The following TGM3 variants were observed in gnomAD, a reference collection of about 807,000 sequenced individuals.
The protein encoded by TGM3 is protein-glutamine gamma-glutamyltransferase E.
A neutral mutation model predicts 73.8 loss-of-function variants in TGM3; 52 were observed. That is an observed-to-expected ratio of 0.70 (90% confidence interval 0.56 to 0.89). The LOEUF is 0.89. TGM3 is among the 40% of genes least tolerant of loss of function. The probability of loss-of-function intolerance (pLI) is 0.00; values close to 1 mark genes in which losing one functional copy is unlikely to be tolerated. For missense variants in TGM3, 928 were observed against 909.9 expected, an observed-to-expected ratio of 1.02 and a Z score of -0.26; for synonymous variants, 372 against 354.9, an observed-to-expected ratio of 1.05 and a Z score of -0.54.
In TGM3 at chr20:2,328,317, G is replaced by C; in HGVS notation, c.1285G>C (p.Gly429Arg). The C allele has an allele frequency of 6.2e-7, 1 of 1,614,120 alleles. No homozygotes were observed. Among genetic ancestry groups the C allele is most frequent in the Non-Finnish European group, 8.5e-7 (1 of 1,180,028 alleles). Residue 429 changes from glycine (G) to arginine (R), a missense_variant, in exon 9 of 13, where the codon GGC (glycine) becomes CGC (arginine). Coordinates refer to ENST00000381458, the MANE Select transcript of TGM3 (RefSeq NM_003245.4). This position sits in a 1 kb window ranked among gnomAD's most constrained non-coding sequence, Gnocchi z 5.2. ...CAGGTACATCAGCACCAAGGCGGTGGGCAGCAATGCTCGCATGGACGTCAC... is the reference window on the plus strand; with the variant it reads ...CAGGTACATCAGCACCAAGGCGGTGCGCAGCAATGCTCGCATGGACGTCAC... ...IGRYISTKAV[G>R]SNARMDVTDK...
At chr20:2,337,006 G>A (rs574712152) in intron 11 of TGM3, among the ~76,000 whole-genome samples, 49 of 152,100 alleles carry the variant, frequency 3.2e-4, no homozygotes, top group Non-Finnish European at 6.5e-4. Context: ...TGTCCCAGCT[G>A]GAATATTATC....
chr20:2,312,820 T>C, intron 4 of TGM3, 78 bp from the exon 5 acceptor site: 1 of 1,581,532 alleles, frequency 6.3e-7, no homozygotes, highest in Non-Finnish European at 8.6e-7. Flanking sequence ...CCTGTGGTTC[T>C]TGCCAGTGCA....
In TGM3 at chr20:2,332,112, A is replaced by G. The variant is rs1403100195; in HGVS notation, c.1444A>G (p.Ser482Gly). The part of the protein sequence containing the change: ...MGLETEEQEP[S>G]IIGKLKVAGM... ...TTTGGAAACAGAGGAACAGGAGCCC[A>G]GCATCATCGGGAAGCTGAAGGTCGC... Residue 482 changes from serine (S) to glycine (G), a missense_variant, in exon 10 of 13, where the codon AGC (serine) becomes GGC (glycine). Coordinates refer to ENST00000381458, the MANE Select transcript of TGM3 (RefSeq NM_003245.4). This position sits in a 1 kb window ranked among gnomAD's most constrained non-coding sequence, Gnocchi z 4.4. The G allele has an allele frequency of 6.2e-7, 1 of 1,614,242 alleles. No individual in the cohort carries two copies. Among genetic ancestry groups the G allele is most frequent in the Admixed American group, 1.7e-5 (1 of 60,026 alleles).
intron 3 of TGM3, 52 bp downstream of exon 3, chr20:2,310,469 A>G (rs1316274477): frequency 1.9e-6 from 3 of 1,596,194 alleles, no homozygotes; most frequent in Non-Finnish European, 2.6e-6. Flanking sequence ...TAGAAAAGAA[A>G]AAGGGGATGG....
intron 9 of TGM3, 70 bp from the exon 10 acceptor site, chr20:2,331,932 G>C: frequency 1.3e-6 from 2 of 1,526,248 alleles, no homozygotes; most frequent in Non-Finnish European, 1.8e-6. Context: ...GCCTGTCCAG[G>C]CAGGGTACTG....
At chr20:2,322,394 A>G (rs1175189971) in intron 7 of TGM3, among the ~76,000 whole-genome samples, 1 of 152,114 alleles carries the variant, frequency 6.6e-6, no homozygotes, top group Non-Finnish European at 1.5e-5. Context: ...CCTCGAAACC[A>G]ATCACTTCAC....
rs774285890 is a variant in TGM3, at chr20:2,311,110, T to C, written c.521T>C (p.Ile174Thr). The C allele has an allele frequency of 1.9e-6, 3 of 1,613,936 alleles. No homozygotes were observed. Among genetic ancestry groups the C allele is most frequent in the African/African-American group, 2.7e-5 (2 of 74,888 alleles). ...FVGSTNRIGM[I>T]GWNFGQFEED... is the part of the protein sequence containing the mutation. ...GGAAGCACAAACCGAATTGGCATGA[T>C]TGGCTGGAACTTTGGACAGGTAAAA... Residue 174 changes from isoleucine (I) to threonine (T), a missense_variant, in exon 4 of 13, where the codon ATT becomes ACT. Ile to Thr is a moderately conservative substitution (Grantham distance 89, BLOSUM62 -1). Transcript: ENST00000381458.
chr20:2,306,472 C>CTTTTTTTTTTTTTTTTTTTTTTT (rs33929365), intron 1 of TGM3, among the ~76,000 whole-genome samples: 3 of 129,622 alleles, frequency 2.3e-5, no homozygotes, highest in Non-Finnish European at 3.2e-5. Flanking sequence ...CTTTTCCTTT[C>CTTTTTTTTTTTTTTTTTTTTTTT]TTTTTTTTTT....
rs2084340623 is a variant in TGM3 at position 2,334,941 on chromosome 20, C to T, written c.1643-175C>T. 1.3e-5 allele frequency among the ~76,000 whole-genome samples: 2 copies of T among 152,110 alleles called. No homozygotes were observed. The highest frequency in any genetic ancestry group is 4.8e-5 in the African/African-American group (2 of 41,426). The stretch of plus-strand genomic sequence containing the variant: ...GCCTCTTTGCCCCCTGCTCTGGAGC[C>T]CACCCTGACCGGGGGACGCTTCCCA... On this transcript the variant is annotated intron_variant, in intron 10 of 12. Transcript: ENST00000381458. This position sits in a 1 kb window ranked among gnomAD's most constrained non-coding sequence, Gnocchi z 4.0.
chr20:2,333,862 C>G (rs1002792661), intron 10 of TGM3, among the ~76,000 whole-genome samples: 6 of 152,228 alleles, frequency 3.9e-5, no homozygotes, highest in African/African-American at 1.4e-4. Context: ...GTCTCCCTCC[C>G]TTTCTGAACC....
At position 2,329,624 on chromosome 20, in the gene TGM3, C is replaced by T. The variant is rs543122759; in HGVS notation, c.1333+1259C>T. Among the ~76,000 whole-genome samples, 318 of 152,068 alleles carry T rather than the reference C, an allele frequency of 2.1e-3. 2 individuals are homozygous for T. Among genetic ancestry groups the T allele is most frequent in the Non-Finnish European group, 2.6e-3 (174 of 68,020 alleles). On this transcript the variant is annotated intron_variant, in intron 9 of 12. Coordinates refer to ENST00000381458, the MANE Select transcript of TGM3 (RefSeq NM_003245.4). ...ACAAGTATTTTCAACAATGTTATGA[C>T]GTAGAAACAAGCATAGGGGGTCAGG...
chr20:2,302,553 G>C (rs2084154145), intron 1 of TGM3, among the ~76,000 whole-genome samples: 1 of 152,054 alleles, frequency 6.6e-6, no homozygotes, highest in Non-Finnish European at 1.5e-5. Flanking sequence ...GCTCTGTCCA[G>C]TCTCCTCTCC....
intron 4 of TGM3, 72 bp downstream of exon 4, chr20:2,311,201 T>A: frequency 7.9e-7 from 1 of 1,261,150 alleles, no homozygotes; most frequent in East Asian, 2.3e-5. Context: ...GCCCCACAGA[T>A]CAATGGGAAG....
chr20:2,300,532 C>T (rs1263090599), intron 1 of TGM3, among the ~76,000 whole-genome samples: 3 of 152,308 alleles, frequency 2.0e-5, no homozygotes, highest in South Asian at 4.1e-4. Flanking sequence ...TAAGTCATTG[C>T]TGCCTTGGTT....
intron 1 of TGM3, among the ~76,000 whole-genome samples, chr20:2,303,476 G>C (rs1005598215): frequency 6.6e-6 from 1 of 152,076 alleles, no homozygotes; most frequent in African/African-American, 2.4e-5. Flanking sequence ...AGATAGTGGA[G>C]ATAATTGCAT....
At chr20:2,310,475 G>T (rs878919289) in intron 3 of TGM3, 58 bp downstream of exon 3, 91 of 1,590,714 alleles carry the variant, frequency 5.7e-5, no homozygotes, top group Non-Finnish European at 1.1e-5. Flanking sequence ...AGAAAAAGGG[G>T]ATGGGGGAAA....
chr20:2,335,428 C>T (rs1346045497), intron 11 of TGM3, among the ~76,000 whole-genome samples, 155 bp downstream of exon 11: 1 of 152,202 alleles, frequency 6.6e-6, no homozygotes, highest in African/African-American at 2.4e-5. Context: ...AGCTTCGGTC[C>T]AGCCTCTGCC....
Position 2,317,054 on chromosome 20 carries a change from T to G in TGM3, c.670-14T>G. On this transcript the variant is annotated splice_polypyrimidine_tract_variant and intron_variant, in intron 5 of 12. Transcript: ENST00000381458. ...TTAGTGCTGACTCATTTTGGGGGGG[T>G]GGTTTCTGCCCAGATCAATAGCAAT... 1 of 1,610,184 alleles carries G rather than the reference T, an allele frequency of 6.2e-7. No homozygotes were observed. The highest frequency in any genetic ancestry group is 1.3e-5 in the African/African-American group (1 of 74,750).
At position 2,321,853 on chromosome 20, in the gene TGM3, C is replaced by T. The variant is rs1281690594; in HGVS notation, c.984-3996C>T. On this transcript the variant is annotated intron_variant, in intron 7 of 12. Coordinates refer to ENST00000381458, the MANE Select transcript of TGM3 (RefSeq NM_003245.4). The stretch of plus-strand genomic sequence containing the variant: ...ATTTCTGTGTAACTGAAGTGGCTGG[C>T]TTTTGCATGAGGGAGGAACCAGGAT... Among the ~76,000 whole-genome samples, 3 of 152,210 alleles carry T rather than the reference C, an allele frequency of 2.0e-5. No individual in the cohort carries two copies. In the East Asian group the frequency reaches 5.8e-4, roughly 29 times the overall value.
Sources: gnomAD v4.1 joint callset for allele counts (sites outside exome capture counted in the v4.1 genomes callset) on GRCh38, gnomAD v4.1.1 for gene constraint, Gnocchi (gnomAD v3.1) non-coding constraint, MANE v1.5 for transcripts, NCBI Gene and HGNC (gene_info 2026-07-23, HGNC 2026-07-21) for gene names.